SLC24A2: variants seen among roughly 807,000 people sequenced by gnomAD.
SLC24A2 encodes solute carrier family 24 member 2, also known as sodium/potassium/calcium exchanger 2.
A neutral mutation model predicts 62.0 loss-of-function variants in SLC24A2; 36 were observed. The observed-to-expected ratio is 0.58, with a 90% CI of 0.44 to 0.77. The LOEUF (loss-of-function observed/expected upper bound fraction) is 0.77. Among genes scored for constraint, SLC24A2 ranks in the 30% least tolerant of loss-of-function variants. The pLI, the probability that SLC24A2 is intolerant of heterozygous loss-of-function variation, is 0.00. For synonymous variants in SLC24A2, 358 were observed against 294.0 expected (o/e 1.22, Z -2.23); for missense variants, 846 against 817.9 (o/e 1.03, Z -0.42).
the SLC24A2 span, among the ~76,000 whole-genome samples, chr9:20,135,818 T>A: frequency 6.6e-6 from 1 of 152,014 alleles, no homozygotes; most frequent in East Asian, 1.9e-4. Flanking sequence ...TTTCGTGGAG[T>A]TGGAGAATGT....
At chr9:19,823,246 A>G in the SLC24A2 span, among the ~76,000 whole-genome samples, 2 of 152,140 alleles carry the variant, frequency 1.3e-5, no homozygotes, top group African/African-American at 4.8e-5. Context: ...AAGTTGCAAG[A>G]ATAGTGCAAA....
intron 2 of SLC24A2, among the ~76,000 whole-genome samples, chr9:19,748,289 T>C (rs771011295): frequency 2.6e-5 from 4 of 152,148 alleles, no homozygotes; most frequent in Non-Finnish European, 5.9e-5. Context: ...CAAGAAAAAA[T>C]TCCCATTGCA....
the SLC24A2 span, among the ~76,000 whole-genome samples, chr9:19,803,570 AC>A: frequency 6.6e-6 from 1 of 152,216 alleles, no homozygotes; most frequent in African/African-American, 2.4e-5. Context: ...TATTTAAGTA[AC>A]CATATTCAAT....
the SLC24A2 span, among the ~76,000 whole-genome samples, chr9:20,236,395 T>A: frequency 6.6e-6 from 1 of 152,214 alleles, no homozygotes; most frequent in Non-Finnish European, 1.5e-5. Context: ...GTTTATTGAT[T>A]TCCAAGAATT....
chr9:19,820,056 C>A, the SLC24A2 span, among the ~76,000 whole-genome samples: 1 of 20,734 alleles, frequency 4.8e-5, no homozygotes, highest in Non-Finnish European at 1.7e-4. Flanking sequence ...TATATATATA[C>A]ACATATATAT....
chr9:20,142,337 C>G, the SLC24A2 span, among the ~76,000 whole-genome samples: 1 of 152,074 alleles, frequency 6.6e-6, no homozygotes, highest in African/African-American at 2.4e-5. Context: ...AAGCTACTAG[C>G]AAATAAAATT....
the SLC24A2 span, among the ~76,000 whole-genome samples, chr9:19,869,684 C>T: frequency 6.6e-6 from 1 of 152,180 alleles, no homozygotes; most frequent in African/African-American, 2.4e-5. Flanking sequence ...TCCTTTTCCT[C>T]CCTCTTCCTT....
At chr9:20,280,210 G>A in the SLC24A2 span, among the ~76,000 whole-genome samples, 1 of 152,204 alleles carries the variant, frequency 6.6e-6, no homozygotes, top group Non-Finnish European at 1.5e-5. Flanking sequence ...ACGAAGATGT[G>A]GCTCAGGTGG....
intron 2 of SLC24A2, among the ~76,000 whole-genome samples, chr9:19,736,470 C>T (rs1250417327): frequency 1.3e-5 from 2 of 152,060 alleles, no homozygotes; most frequent in African/African-American, 4.8e-5. Context: ...TCTAGATAAA[C>T]ATTAACCAAA....
chr9:20,299,969 A>G, the SLC24A2 span, among the ~76,000 whole-genome samples: 1 of 152,230 alleles, frequency 6.6e-6, no homozygotes, highest in Non-Finnish European at 1.5e-5. Flanking sequence ...ATGTCTATCA[A>G]TTGGACCAGG....
the SLC24A2 span, among the ~76,000 whole-genome samples, chr9:19,994,283 G>C: frequency 6.6e-6 from 1 of 151,952 alleles, no homozygotes; most frequent in Admixed American, 6.6e-5. Flanking sequence ...GTGACCATTG[G>C]CAAAAAACAA....
At chr9:19,751,486 G>C (rs549042376) in intron 2 of SLC24A2, among the ~76,000 whole-genome samples, 1 of 152,268 alleles carries the variant, frequency 6.6e-6, no homozygotes, top group Non-Finnish European at 1.5e-5. Context: ...CTGGGACCTG[G>C]AGGATCCTAT....
At chr9:20,167,074 C>A in the SLC24A2 span, among the ~76,000 whole-genome samples, 1 of 151,922 alleles carries the variant, frequency 6.6e-6, no homozygotes, top group Non-Finnish European at 1.5e-5. Context: ...ATCAGCCTCC[C>A]AAAGTGTTAA....
intron 2 of SLC24A2, among the ~76,000 whole-genome samples, chr9:19,657,481 T>G (rs1050973215): frequency 1.3e-5 from 2 of 152,136 alleles, no homozygotes; most frequent in African/African-American, 4.8e-5. Flanking sequence ...CCCATCAACC[T>G]GTCATCTAGG....
chr9:20,102,310 AT>A, the SLC24A2 span, among the ~76,000 whole-genome samples: 1 of 149,046 alleles, frequency 6.7e-6, no homozygotes, highest in African/African-American at 2.5e-5. Context: ...CTATGCAGCC[AT>A]AAAAAAAAGT....
At chr9:20,113,286 G>A in the SLC24A2 span, among the ~76,000 whole-genome samples, 1 of 152,102 alleles carries the variant, frequency 6.6e-6, no homozygotes, top group South Asian at 2.1e-4. Context: ...AATCCTGGCT[G>A]CACCATTTAC....
the SLC24A2 span, among the ~76,000 whole-genome samples, chr9:20,037,622 T>C: frequency 3.3e-5 from 5 of 152,196 alleles, no homozygotes; most frequent in African/African-American, 9.6e-5. Context: ...ATGTAAAACA[T>C]GGTCCCAAAT....
At chr9:19,535,697 G>A (rs560052371) in intron 8 of SLC24A2, among the ~76,000 whole-genome samples, 3 of 152,126 alleles carry the variant, frequency 2.0e-5, no homozygotes, top group Non-Finnish European at 4.4e-5. Context: ...CCTCTGTTCT[G>A]TTCCATTGGT....
At chr9:19,700,999 C>A (rs1431845651) in intron 2 of SLC24A2, among the ~76,000 whole-genome samples, 1 of 152,116 alleles carries the variant, frequency 6.6e-6, no homozygotes. Context: ...ATTCTGTATA[C>A]CCAAACTTAA....
Sources: allele counts gnomAD v4.1 joint callset (sites outside exome capture counted in the v4.1 genomes callset), GRCh38; gene constraint gnomAD v4.1.1; transcripts MANE v1.5; gene names NCBI Gene and HGNC (gene_info 2026-07-23, HGNC 2026-07-21).